ARB2A: variants seen among roughly 807,000 people sequenced by gnomAD.
ARB2A encodes the protein ARB2 cotranscriptional regulator A, also known as cotranscriptional regulator ARB2A.
the ARB2A span, among the ~76,000 whole-genome samples, chr5:94,089,719 T>C: frequency 1.3e-5 from 2 of 150,928 alleles, no homozygotes; most frequent in Admixed American, 1.3e-4. Context: ...AAACATATTC[T>C]AATAAAGCAA....
At chr5:94,109,991 T>A in the ARB2A span, among the ~76,000 whole-genome samples, 1 of 150,692 alleles carries the variant, frequency 6.6e-6, no homozygotes, top group Non-Finnish European at 1.5e-5. Flanking sequence ...TTCAAGCAAT[T>A]CTCCTGCCTC....
At chr5:93,711,705 G>A in the ARB2A span, among the ~76,000 whole-genome samples, 1 of 152,364 alleles carries the variant, frequency 6.6e-6, no homozygotes, top group Non-Finnish European at 1.5e-5. Context: ...AAGGACAGTG[G>A]CAATCTGTGG....
the ARB2A span, among the ~76,000 whole-genome samples, chr5:93,874,380 G>C: frequency 6.6e-6 from 1 of 152,136 alleles, no homozygotes; most frequent in African/African-American, 2.4e-5. Flanking sequence ...GAAAGACCCA[G>C]TGATTAGAGG....
the ARB2A span, among the ~76,000 whole-genome samples, chr5:94,037,525 T>C: frequency 6.6e-6 from 1 of 152,170 alleles, no homozygotes; most frequent in Non-Finnish European, 1.5e-5. Flanking sequence ...AACATTTGCA[T>C]AGCACATTAA....
At chr5:93,646,912 T>G in the ARB2A span, among the ~76,000 whole-genome samples, 2 of 152,186 alleles carry the variant, frequency 1.3e-5, no homozygotes, top group South Asian at 2.1e-4. Flanking sequence ...TTACCAAGAT[T>G]CAACAATTTC....
chr5:93,694,942 G>A, the ARB2A span, among the ~76,000 whole-genome samples: 1 of 152,110 alleles, frequency 6.6e-6, no homozygotes, highest in Non-Finnish European at 1.5e-5. Context: ...ACTGGGAAAG[G>A]ATACCCTATT....
the ARB2A span, among the ~76,000 whole-genome samples, chr5:93,705,219 C>T: frequency 6.6e-6 from 1 of 152,144 alleles, no homozygotes; most frequent in Non-Finnish European, 1.5e-5. Context: ...TAATTCCAAG[C>T]ACAAAATATT....
the ARB2A span, among the ~76,000 whole-genome samples, chr5:93,673,619 A>G: frequency 1.3e-5 from 2 of 152,210 alleles, no homozygotes; most frequent in East Asian, 3.9e-4. Context: ...GCATCACCAT[A>G]TGATTATTCT....
At chr5:93,937,733 C>T in the ARB2A span, among the ~76,000 whole-genome samples, 2 of 152,028 alleles carry the variant, frequency 1.3e-5, no homozygotes, top group African/African-American at 2.4e-5. Flanking sequence ...TGACCCTCTA[C>T]AGATATCAAA....
At chr5:93,959,869 A>T in the ARB2A span, among the ~76,000 whole-genome samples, 1 of 152,120 alleles carries the variant, frequency 6.6e-6, no homozygotes, top group Non-Finnish European at 1.5e-5. Context: ...ATGCCATGAC[A>T]CACTGAGTGG....
chr5:93,685,706 T>C, the ARB2A span, among the ~76,000 whole-genome samples: 1 of 152,220 alleles, frequency 6.6e-6, no homozygotes, highest in African/African-American at 2.4e-5. Flanking sequence ...GACACATGTG[T>C]CAAGGTGAGA....
At chr5:93,928,166 T>C in the ARB2A span, among the ~76,000 whole-genome samples, 2 of 152,148 alleles carry the variant, frequency 1.3e-5, no homozygotes, top group African/African-American at 4.8e-5. Context: ...GGTTGGTCTT[T>C]TGTACCAATC....
chr5:93,821,320 GTGTA>G, the ARB2A span, among the ~76,000 whole-genome samples: 1 of 152,126 alleles, frequency 6.6e-6, no homozygotes, highest in South Asian at 2.1e-4. Context: ...GTGTTTGTGT[GTGTA>G]TGTGTGTGTG....
chr5:93,671,714 G>GA, the ARB2A span, among the ~76,000 whole-genome samples: 372 of 151,770 alleles, frequency 2.5e-3, 1 homozygote, highest in African/African-American at 8.6e-3. Flanking sequence ...AAGAGGATTG[G>GA]AAAAAAAAGT....
chr5:94,084,927 T>A, the ARB2A span, among the ~76,000 whole-genome samples: 2 of 152,112 alleles, frequency 1.3e-5, no homozygotes, highest in Non-Finnish European at 2.9e-5. Flanking sequence ...TAGGGAAAAA[T>A]ACAGGAGACT....
chr5:93,937,062 G>A, the ARB2A span, among the ~76,000 whole-genome samples: 2 of 151,128 alleles, frequency 1.3e-5, no homozygotes, highest in African/African-American at 2.4e-5. Context: ...TTTAGTAGAG[G>A]CAGGGTTTCA....
chr5:93,754,689 CAT>C, the ARB2A span, among the ~76,000 whole-genome samples: 1 of 152,218 alleles, frequency 6.6e-6, no homozygotes, highest in Non-Finnish European at 1.5e-5. Context: ...AATGCCCCCT[CAT>C]ACACAGTCAA....
chr5:93,625,706 G>T, the ARB2A span, among the ~76,000 whole-genome samples: 1 of 152,146 alleles, frequency 6.6e-6, no homozygotes, highest in African/African-American at 2.4e-5. Context: ...AATCATATGA[G>T]AAAGATCAAA....
the ARB2A span, among the ~76,000 whole-genome samples, chr5:93,848,457 C>T: frequency 6.6e-6 from 1 of 151,134 alleles, no homozygotes; most frequent in Non-Finnish European, 1.5e-5. Context: ...AATTCTAGAA[C>T]CTCTACTACC....
Sources: gnomAD v4.1 joint callset for allele counts (sites outside exome capture counted in the v4.1 genomes callset) on GRCh38, gnomAD v4.1.1 for gene constraint, MANE v1.5 for transcripts, NCBI Gene and HGNC (gene_info 2026-07-23, HGNC 2026-07-21) for gene names.